The following FOXN3 variants were observed in gnomAD, a reference collection of about 807,000 sequenced individuals.
The protein encoded by FOXN3 is forkhead box protein N3.
Under a neutral mutation model 38.4 loss-of-function variants are expected in FOXN3, and 7 were observed. The ratio of observed to expected loss-of-function variants is 0.18; its 90% CI spans 0.10 to 0.34. The LOEUF is 0.34. FOXN3 is among the 10% of genes least tolerant of loss of function. The pLI, the probability that FOXN3 is intolerant of heterozygous loss-of-function variation, is 1.00. For synonymous variants in FOXN3, 230 were observed against 242.2 expected, an observed-to-expected ratio of 0.95 and a Z score of 0.47; for missense variants, 456 against 613.4, an observed-to-expected ratio of 0.74 and a Z score of 2.71.
At chr14:89,420,838 C>T (rs1330684835), upstream of FOXN3, among the ~76,000 whole-genome samples, 1 of 148,498 alleles carries the variant, frequency 6.7e-6, no homozygotes, top group South Asian at 2.1e-4. Context: ...AAAGGTGGCT[C>T]ACTGAATATT....
intron 1 of FOXN3, among the ~76,000 whole-genome samples, chr14:89,597,191 T>C (rs1896074068): frequency 6.6e-6 from 1 of 152,210 alleles, no homozygotes; most frequent in Non-Finnish European, 1.5e-5. Context: ...CCAAATATTT[T>C]CTACTTTCCA....
intron 1 of FOXN3, among the ~76,000 whole-genome samples, chr14:89,569,556 T>A (rs1895447505): frequency 6.6e-6 from 1 of 152,220 alleles, no homozygotes; most frequent in Non-Finnish European, 1.5e-5. Context: ...GACACACCAC[T>A]GACATAGATA....
At position 89,157,355 on chromosome 14, in the gene FOXN3, C is replaced by T. The variant is rs980114907; in HGVS notation, c.*5059G>A. Reference sequence around the variant, plus strand: ...TGTGGAAGAACTGCAAGGTCACACACATTATTCATGATAAAGCAACCGAGC... The same window carrying T: ...TGTGGAAGAACTGCAAGGTCACACATATTATTCATGATAAAGCAACCGAGC... On this transcript the variant is annotated 3_prime_UTR_variant, in exon 6 of 6. Transcript: ENST00000557258. The T allele has an allele frequency of 6.6e-6, 1 of 152,642 alleles. No individual in the cohort carries two copies. Among genetic ancestry groups the T allele is most frequent in the African/African-American group, 2.4e-5 (1 of 41,458 alleles). 9.5% of individuals were successfully genotyped at this position (152,642 alleles called of 1,614,324 possible).
intron 1 of FOXN3, among the ~76,000 whole-genome samples, chr14:89,434,714 T>C (rs371328160): frequency 4.6e-5 from 7 of 152,202 alleles, no homozygotes; most frequent in African/African-American, 1.7e-4. Flanking sequence ...CCCTATTGCC[T>C]GCTCCCAAAC....
intron 1 of FOXN3, among the ~76,000 whole-genome samples, chr14:89,588,091 T>A (rs990020756): frequency 5.9e-5 from 9 of 152,072 alleles, no homozygotes; most frequent in African/African-American, 1.9e-4. Context: ...TTTAGCACCA[T>A]CCTCTTGGTG....
chr14:89,538,251 G>A (rs577484808), intron 1 of FOXN3, among the ~76,000 whole-genome samples: 1 of 152,258 alleles, frequency 6.6e-6, no homozygotes, highest in East Asian at 1.9e-4. Context: ...GCCACTATAA[G>A]GTCACAAAGA....
chr14:89,249,005 G>A (rs1885375247), intron 4 of FOXN3, among the ~76,000 whole-genome samples: 2 of 152,220 alleles, frequency 1.3e-5, no homozygotes, highest in African/African-American at 4.8e-5. Flanking sequence ...ATACAAGCCT[G>A]TGCCTGCACA....
intron 1 of FOXN3, among the ~76,000 whole-genome samples, chr14:89,472,347 A>T (rs1452413071): frequency 6.6e-6 from 1 of 152,054 alleles, no homozygotes; most frequent in Non-Finnish European, 1.5e-5. Flanking sequence ...ACTCTGAGTG[A>T]CACATGTGCA....
intron 4 of FOXN3, among the ~76,000 whole-genome samples, chr14:89,198,315 TA>T (rs1361395795): frequency 1.3e-5 from 2 of 152,172 alleles, no homozygotes; most frequent in Non-Finnish European, 1.5e-5. Flanking sequence ...AAGATGTGCA[TA>T]GATCACATAC....
At chr14:89,322,855 T>TG (rs1490844586) in intron 3 of FOXN3, among the ~76,000 whole-genome samples, 1 of 152,178 alleles carries the variant, frequency 6.6e-6, no homozygotes, top group Non-Finnish European at 1.5e-5. Flanking sequence ...TACTATGGGC[T>TG]GGGGACTGTT....
intron 1 of FOXN3, among the ~76,000 whole-genome samples, chr14:89,511,555 A>G (rs1894093675): frequency 6.6e-6 from 1 of 151,954 alleles, no homozygotes; most frequent in African/African-American, 2.4e-5. Context: ...TGCCTGGTTT[A>G]TAACTCACAT....
chr14:89,252,693 A>G (rs1048211409), intron 4 of FOXN3, among the ~76,000 whole-genome samples: 2 of 152,074 alleles, frequency 1.3e-5, no homozygotes, highest in Non-Finnish European at 2.9e-5. Context: ...TTTTACATAA[A>G]TATCTCGAAG....
At chr14:89,286,853 C>T (rs1235678307) in intron 3 of FOXN3, among the ~76,000 whole-genome samples, 7 of 152,124 alleles carry the variant, frequency 4.6e-5, no homozygotes, top group African/African-American at 1.4e-4. Context: ...ACTAAGAACA[C>T]AGATGAAAGT....
At chr14:89,499,334 G>T (rs1176929410) in intron 1 of FOXN3, among the ~76,000 whole-genome samples, 2 of 152,098 alleles carry the variant, frequency 1.3e-5, no homozygotes, top group Non-Finnish European at 2.9e-5. Flanking sequence ...CTGTCCCTGA[G>T]CACTGAAGTG....
chr14:89,575,438 G>A (rs566048404), intron 1 of FOXN3, among the ~76,000 whole-genome samples: 4 of 152,244 alleles, frequency 2.6e-5, no homozygotes, highest in South Asian at 2.1e-4. Context: ...AAACTCAAGC[G>A]ACGGGGGCTG....
intron 1 of FOXN3, among the ~76,000 whole-genome samples, chr14:89,558,825 G>C (rs531107680): frequency 2.8e-4 from 42 of 152,270 alleles, no homozygotes; most frequent in African/African-American, 9.9e-4. Context: ...GGAAGGTCGG[G>C]GCGACAGCAG....
rs1030140779 is a variant in FOXN3 at position 89,427,466 on chromosome 14, C to T, written c.-14-14976G>A. On this transcript the variant is annotated intron_variant, in intron 1 of 6. Transcript: ENST00000345097. ...GATTACAGGCCTCCACCACTGCGCC[C>T]GGCTGATTTTTTTTTTTTTTTTTTG... 4.0e-4 allele frequency among the ~76,000 whole-genome samples: 59 copies of T among 145,930 alleles called. 1 individual carries two copies. Among genetic ancestry groups the T allele is most frequent in the Admixed American group, 3.4e-4 (5 of 14,666 alleles).
chr14:89,219,087 C>T (rs1884373592), intron 4 of FOXN3, among the ~76,000 whole-genome samples: 1 of 152,236 alleles, frequency 6.6e-6, no homozygotes, highest in Non-Finnish European at 1.5e-5. Flanking sequence ...TTGACAGGCA[C>T]TGATATGGTT....
chr14:89,393,982 G>A (rs555810643), intron 2 of FOXN3, among the ~76,000 whole-genome samples: 1 of 152,248 alleles, frequency 6.6e-6, no homozygotes, highest in South Asian at 2.1e-4. Context: ...GTCCAAGATG[G>A]AAGGGTTGGC....
Sources: gnomAD v4.1 joint callset for allele counts (sites outside exome capture counted in the v4.1 genomes callset) on GRCh38, gnomAD v4.1.1 for gene constraint, MANE v1.5 for transcripts, NCBI Gene and HGNC (gene_info 2026-07-23, HGNC 2026-07-21) for gene names.